The following AKAP13 variants were observed in gnomAD, a reference collection of about 807,000 sequenced individuals.
AKAP13 encodes the protein A-kinase anchoring protein 13.
Under a neutral mutation model 264.5 loss-of-function variants are expected in AKAP13, and 80 were observed. The observed-to-expected ratio is 0.30, with a 90% CI of 0.25 to 0.36. The LOEUF is 0.36. AKAP13 is among the 10% of genes least tolerant of loss of function. AKAP13 has a pLI of 1.00. For synonymous variants in AKAP13, 1,380 were observed against 1,250.2 expected, an observed-to-expected ratio of 1.10 and a Z score of -2.19; for missense variants, 3,712 against 3,435.2, an observed-to-expected ratio of 1.08 and a Z score of -2.01.
At chr15:85,743,281 T>C (rs1383195207) in intron 35 of AKAP13, among the ~76,000 whole-genome samples, 1 of 152,152 alleles carries the variant, frequency 6.6e-6, no homozygotes, top group Non-Finnish European at 1.5e-5. Context: ...AAAGGCGATA[T>C]TTTTAACATG....
intron 2 of AKAP13, among the ~76,000 whole-genome samples, chr15:85,503,614 C>T (rs1042326058): frequency 6.6e-6 from 1 of 152,188 alleles, no homozygotes; most frequent in Non-Finnish European, 1.5e-5. Context: ...TTGTGCAAAC[C>T]TGATGGACTC....
At chr15:85,744,319 C>T (rs2089289048) in intron 36 of AKAP13, 1 of 356,116 alleles carries the variant, frequency 2.8e-6, no homozygotes, top group Non-Finnish European at 5.1e-6. Flanking sequence ...CACTTTTTCC[C>T]CTGAATCCTT....
chr15:85,746,769 GC>G lies in AKAP13; in HGVS notation c.*2093del, dbSNP rs1353566300. On this transcript the variant is annotated 3_prime_UTR_variant, in exon 37 of 37. Coordinates refer to ENST00000394518, the MANE Select transcript of AKAP13 (RefSeq NM_007200.5). ...GCTTGGCTGTCTGTTCTGGGCACTGGCTCCGAGTTCCCCTCCTGGGATTTGC... is the reference window on the plus strand; with the variant it reads ...GCTTGGCTGTCTGTTCTGGGCACTGGTCCGAGTTCCCCTCCTGGGATTTGC... 1 of 152,196 alleles carries G rather than the reference GC, an allele frequency of 6.6e-6. No individual in the cohort carries two copies. The highest frequency in any genetic ancestry group is 1.5e-5 in the Non-Finnish European group (1 of 68,050). 9.4% of individuals were successfully genotyped at this position (152,196 alleles called of 1,614,324 possible).
chr15:85,700,994 T>C (rs1203970362), intron 17 of AKAP13: 5 of 152,244 alleles, frequency 3.3e-5, no homozygotes, highest in Non-Finnish European at 7.3e-5. Flanking sequence ...TTCATTGTTC[T>C]CATTAACTTT....
At chr15:85,427,312 T>C (rs2072838489) in intron 1 of AKAP13, among the ~76,000 whole-genome samples, 1 of 152,154 alleles carries the variant, frequency 6.6e-6, no homozygotes, top group African/African-American at 2.4e-5. Context: ...TGTCCAGGTC[T>C]TCTGCCTGTA....
chr15:85,640,130 T>C (rs2082244409), intron 9 of AKAP13, among the ~76,000 whole-genome samples: 1 of 152,232 alleles, frequency 6.6e-6, no homozygotes, highest in East Asian at 1.9e-4. Context: ...ATGTAAAGTA[T>C]GTTCCCTAAT....
chr15:85,440,585 A>G (rs2073596456), intron 1 of AKAP13, among the ~76,000 whole-genome samples: 1 of 152,170 alleles, frequency 6.6e-6, no homozygotes, highest in Admixed American at 6.5e-5. Flanking sequence ...ATTTGCATAG[A>G]TGACTCTTTT....
chr15:85,581,936 A>G lies in AKAP13; in HGVS notation c.3868A>G (p.Lys1290Glu), dbSNP rs931116381. The G allele has an allele frequency of 1.9e-6, 3 of 1,614,062 alleles. No homozygotes were observed. Among genetic ancestry groups the G allele is most frequent in the Non-Finnish European group, 2.5e-6 (3 of 1,180,018 alleles). ...LSSPELGPLT[K>E]GLESAFTEKV... is the part of the protein sequence containing the mutation. ...CAGCCCTGAGTTGGGTCCTCTCACTAAAGGACTAGAGAGTGCTTTTACAGA... is the reference window on the plus strand; with the variant it reads ...CAGCCCTGAGTTGGGTCCTCTCACTGAAGGACTAGAGAGTGCTTTTACAGA... The change falls in exon 7 of 37, where the codon AAA becomes GAA. Residue 1290 changes from lysine (K) to glutamate (E), a missense_variant. Around this residue, in one of 3 missense-constraint regions of AKAP13, gnomAD observed 2,759 missense variants for 2,411.7 expected, o/e 1.14. Transcript: ENST00000394518.
intron 7 of AKAP13, among the ~76,000 whole-genome samples, chr15:85,585,072 G>T (rs1418810425): frequency 6.6e-6 from 1 of 152,180 alleles, no homozygotes; most frequent in African/African-American, 2.4e-5. Flanking sequence ...TGTAATTCTT[G>T]AGAAAACATG....
chr15:85,438,097 C>A (rs2073411885), intron 1 of AKAP13, among the ~76,000 whole-genome samples: 1 of 147,116 alleles, frequency 6.8e-6, no homozygotes, highest in Non-Finnish European at 1.5e-5. Flanking sequence ...TCTCCTTAAG[C>A]TGATAAGCAA....
At chr15:85,608,097 T>A (rs2080433468) in intron 8 of AKAP13, among the ~76,000 whole-genome samples, 1 of 152,194 alleles carries the variant, frequency 6.6e-6, no homozygotes, top group South Asian at 2.1e-4. Context: ...AGCTGAGTCA[T>A]TTTTTGGCTT....
chr15:85,536,691 A>G (rs911624130), intron 4 of AKAP13: 7 of 152,254 alleles, frequency 4.6e-5, no homozygotes, highest in Admixed American at 1.3e-4. Flanking sequence ...TGTGTTTTAA[A>G]TGCATTATGC....
chr15:85,702,847 G>A (rs889515035), intron 17 of AKAP13: 2 of 152,160 alleles, frequency 1.3e-5, no homozygotes, highest in African/African-American at 4.8e-5. Flanking sequence ...TCCTTGAATA[G>A]TCAGCTGTTC....
At chr15:85,570,222 G>A (rs2078767172) in intron 5 of AKAP13, among the ~76,000 whole-genome samples, 1 of 152,144 alleles carries the variant, frequency 6.6e-6, no homozygotes, top group Non-Finnish European at 1.5e-5. Context: ...AGGTAGAGAA[G>A]GATGGATCAC....
At chr15:85,597,931 T>C (rs529628482) in intron 8 of AKAP13, among the ~76,000 whole-genome samples, 2 of 152,164 alleles carry the variant, frequency 1.3e-5, no homozygotes, top group Admixed American at 6.5e-5. Flanking sequence ...GCCTTCTGCT[T>C]GTCATGTTCT....
chr15:85,585,952 G>T, intron 8 of AKAP13, 129 bp downstream of exon 8: 2 of 1,264,186 alleles, frequency 1.6e-6, no homozygotes, highest in South Asian at 1.4e-5. Context: ...TCCCTCTTGT[G>T]CTGTTATATA....
Position 85,719,127 on chromosome 15 carries a change from G to A in AKAP13, c.6053G>A (p.Gly2018Asp). ...GTCCGCACTCTCAAGATCATGAGTGGTGTGTACAGCCAGGGGATGATGGCG... is the reference window on the plus strand; with the variant it reads ...GTCCGCACTCTCAAGATCATGAGTGATGTGTACAGCCAGGGGATGATGGCG... ...HHVRTLKIMSGVYSQGMMADL... is the reference protein window; with the variant it reads ...HHVRTLKIMSDVYSQGMMADL... The change falls in exon 23 of 37, where the codon GGT becomes GAT. Residue 2018 changes from glycine (G) to aspartate (D), a missense_variant. By Grantham distance (94) the Gly-to-Asp change is moderately conservative. Coordinates refer to ENST00000394518, the MANE Select transcript of AKAP13 (RefSeq NM_007200.5). 1 of 1,614,142 alleles carries A rather than the reference G, an allele frequency of 6.2e-7. No individual in the cohort carries two copies. The highest frequency in any genetic ancestry group is 8.5e-7 in the Non-Finnish European group (1 of 1,180,032).
chr15:85,399,513 AAAAAAAAAATAAAAAAATAAAAAAAT>A (rs2071295922), intron 1 of AKAP13, among the ~76,000 whole-genome samples: 3 of 69,948 alleles, frequency 4.3e-5, no homozygotes, highest in Admixed American at 1.7e-4. Context: ...AAAAAAAAAA[AAAAAAAAAATAAAAAAATAAAAAAAT>A]AAATAAATAA....
intron 1 of AKAP13, among the ~76,000 whole-genome samples, chr15:85,394,718 TTGAC>T (rs1279630788): frequency 1.2e-4 from 19 of 152,200 alleles, no homozygotes; most frequent in African/African-American, 4.3e-4. Context: ...TGTCACATAA[TTGAC>T]TGTGTGACCT....
Sources: gnomAD v4.1 joint callset for allele counts (sites outside exome capture counted in the v4.1 genomes callset) on GRCh38, gnomAD v4.1.1 for gene constraint, gnomAD v4.1.1 regional missense constraint, MANE v1.5 for transcripts, NCBI Gene and HGNC (gene_info 2026-07-23, HGNC 2026-07-21) for gene names.